SAXO1: variants seen among roughly 807,000 people sequenced by gnomAD.
The protein encoded by SAXO1 is 4930500O09Rik.
Under a neutral mutation model 17.5 loss-of-function variants are expected in SAXO1, and 21 were observed. That is an observed-to-expected ratio of 1.20 (90% CI 0.85 to 1.72). The LOEUF (loss-of-function observed/expected upper bound fraction) is 1.72, where lower values mean the gene tolerates loss of function less well. Among genes scored for constraint, SAXO1 ranks in the 40% most tolerant of loss-of-function variants. SAXO1 has a pLI of 0.00. For synonymous variants in SAXO1, 274 were observed against 216.5 expected (o/e 1.27, Z -2.33); for missense variants, 843 against 596.0 (o/e 1.41, Z -4.32).
At chr9:19,044,319 C>T (rs1836150129) in intron 1 of SAXO1, among the ~76,000 whole-genome samples, 1 of 152,152 alleles carries the variant, frequency 6.6e-6, no homozygotes, top group African/African-American at 2.4e-5. Context: ...AAAAACTTTT[C>T]AATTCTCTTT....
chr9:19,039,097 T>G (rs540513030), intron 1 of SAXO1, among the ~76,000 whole-genome samples: 1 of 150,976 alleles, frequency 6.6e-6, no homozygotes, highest in Non-Finnish European at 1.5e-5. Flanking sequence ...ATCACACCAC[T>G]GCACTCCAGC....
chr9:18,958,310 G>C (rs1480285404), intron 1 of SAXO1, among the ~76,000 whole-genome samples: 1 of 152,082 alleles, frequency 6.6e-6, no homozygotes, highest in Non-Finnish European at 1.5e-5. Flanking sequence ...TGTAATTCCA[G>C]CTACTCGGGA....
intron 2 of SAXO1, among the ~76,000 whole-genome samples, chr9:18,943,581 G>C (rs891536392): frequency 6.6e-6 from 1 of 152,238 alleles, no homozygotes; most frequent in Non-Finnish European, 1.5e-5. Flanking sequence ...TGGTCAGAAA[G>C]TGTACATTCT....
chr9:18,987,620 C>G (rs1455770186), intron 1 of SAXO1, among the ~76,000 whole-genome samples: 2 of 152,074 alleles, frequency 1.3e-5, no homozygotes, highest in African/African-American at 4.8e-5. Context: ...TTCCTTGGGC[C>G]TGGTATGGTA....
intron 3 of SAXO1, among the ~76,000 whole-genome samples, chr9:18,935,687 C>T (rs1459460146): frequency 6.6e-6 from 1 of 152,206 alleles, no homozygotes; most frequent in African/African-American, 2.4e-5. Context: ...CTGAAGCTCC[C>T]TTCTTACATT....
chr9:19,045,463 G>T (rs1320093219), intron 1 of SAXO1, among the ~76,000 whole-genome samples: 1 of 152,078 alleles, frequency 6.6e-6, no homozygotes, highest in Non-Finnish European at 1.5e-5. Context: ...GTAAAACAGG[G>T]GGTCTCTGGA....
At chr9:18,966,562 G>C (rs1371328787) in intron 1 of SAXO1, among the ~76,000 whole-genome samples, 7 of 152,118 alleles carry the variant, frequency 4.6e-5, no homozygotes, top group Non-Finnish European at 7.3e-5. Context: ...GCTTCACCAA[G>C]CTCTTGTGCT....
At chr9:19,018,802 ATATAGCTGCCT>A (rs1429960947) in intron 1 of SAXO1, among the ~76,000 whole-genome samples, 1 of 152,214 alleles carries the variant, frequency 6.6e-6, no homozygotes, top group Non-Finnish European at 1.5e-5. Flanking sequence ...TATATGTTAA[ATATAGCTGCCT>A]TAAGAACCTT....
In SAXO1 at chr9:18,928,235, G is replaced by A. The variant is rs755020870; in HGVS notation, c.1242C>T (p.Pro414=). ...SQTTYTISFT[P]KEMGRCLASY... is the part of the protein sequence containing the mutation. ...AAGCTAGGCACCTGCCCATTTCCTTGGGAGTAAAGCTGATGGTGTAGGTGG... is the reference window on the plus strand; with the variant it reads ...AAGCTAGGCACCTGCCCATTTCCTTAGGAGTAAAGCTGATGGTGTAGGTGG... The change falls in exon 4 of 4, where the codon CCC becomes CCT. Residue 414 remains proline (P), a synonymous_variant. Coordinates refer to ENST00000380534, the MANE Select transcript of SAXO1 (RefSeq NM_153707.4). 1.9e-6 allele frequency: 3 copies of A among 1,614,110 alleles called. No individual in the cohort carries two copies. Among genetic ancestry groups the A allele is most frequent in the Admixed American group, 3.3e-5 (2 of 60,020 alleles).
intron 1 of SAXO1, among the ~76,000 whole-genome samples, chr9:19,026,407 T>A (rs1835472320): frequency 6.6e-6 from 1 of 152,168 alleles, no homozygotes; most frequent in South Asian, 2.1e-4. Flanking sequence ...ATCTCAATGT[T>A]TCTATTTCCT....
At chr9:18,951,496 C>T (rs1166930238) in intron 1 of SAXO1, among the ~76,000 whole-genome samples, 1 of 152,150 alleles carries the variant, frequency 6.6e-6, no homozygotes, top group African/African-American at 2.4e-5. Flanking sequence ...TATGTGAAAC[C>T]ACTTTCACAT....
At chr9:18,989,448 C>T (rs1251932411) in intron 1 of SAXO1, among the ~76,000 whole-genome samples, 2 of 152,032 alleles carry the variant, frequency 1.3e-5, no homozygotes, top group Non-Finnish European at 2.9e-5. Context: ...GCCATAGTTA[C>T]TAATGCAGAT....
chr9:18,986,139 T>G (rs959772930), intron 1 of SAXO1, among the ~76,000 whole-genome samples: 2 of 152,266 alleles, frequency 1.3e-5, no homozygotes, highest in African/African-American at 4.8e-5. Flanking sequence ...TGTGATAATA[T>G]GCAATCATAA....
At chr9:18,968,442 T>C (rs1228806314) in intron 1 of SAXO1, among the ~76,000 whole-genome samples, 1 of 152,242 alleles carries the variant, frequency 6.6e-6, no homozygotes, top group African/African-American at 2.4e-5. Flanking sequence ...TACGTAGCCA[T>C]TCACTTTTAA....
At chr9:18,969,639 G>A (rs542486139) in intron 1 of SAXO1, among the ~76,000 whole-genome samples, 1 of 152,156 alleles carries the variant, frequency 6.6e-6, no homozygotes, top group East Asian at 1.9e-4. Context: ...GTGAGAAAGG[G>A]GGTATCTTGT....
chr9:18,984,427 A>G (rs6475301), intron 1 of SAXO1, among the ~76,000 whole-genome samples: 108,891 of 152,144 alleles, frequency 0.72, 39,500 homozygotes, highest in African/African-American at 0.84. Flanking sequence ...TGTTTCATCT[A>G]CACTGAAAAT....
At chr9:19,027,906 A>G in intron 1 of SAXO1, 2 of 1,373,036 alleles carry the variant, frequency 1.5e-6, no homozygotes, top group East Asian at 2.3e-5. Context: ...CTGGGCCAGA[A>G]TCATGCAGAT....
intron 1 of SAXO1, among the ~76,000 whole-genome samples, chr9:19,044,176 G>T (rs1013557122): frequency 1.3e-5 from 2 of 151,822 alleles, no homozygotes; most frequent in Non-Finnish European, 1.5e-5. Flanking sequence ...CAACACAAAG[G>T]ATAAATGCTT....
At chr9:19,016,492 T>C (rs1350762101) in intron 1 of SAXO1, among the ~76,000 whole-genome samples, 1 of 149,906 alleles carries the variant, frequency 6.7e-6, no homozygotes, top group Non-Finnish European at 1.5e-5. Context: ...TGAGAATGCC[T>C]CTAGCCCAGT....
Sources: allele counts gnomAD v4.1 joint callset (sites outside exome capture counted in the v4.1 genomes callset), GRCh38; gene constraint gnomAD v4.1.1; transcripts MANE v1.5; gene names NCBI Gene and HGNC (gene_info 2026-07-23, HGNC 2026-07-21).